RAB1A: variants seen among roughly 807,000 people sequenced by gnomAD.
RAB1A encodes the protein RAB1A, member RAS oncogene family.
Under a neutral mutation model 26.0 loss-of-function variants are expected in RAB1A, and 2 were observed. That is an observed-to-expected ratio of 0.08 (90% CI 0.03 to 0.24). The LOEUF (loss-of-function observed/expected upper bound fraction) is 0.24, where lower values mean the gene tolerates loss of function less well. Ranked by LOEUF, RAB1A falls within the 10% of genes least tolerant of loss-of-function variation. RAB1A has a pLI of 1.00. For missense variants in RAB1A, 100 were observed against 247.0 expected, an observed-to-expected ratio of 0.40 and a Z score of 3.99; for synonymous variants, 84 against 84.9, an observed-to-expected ratio of 0.99 and a Z score of 0.06.
rs1197184259 is a variant in RAB1A, at chr2:65,087,056, C to T, written c.*1437G>A. On this transcript the variant is annotated 3_prime_UTR_variant, in exon 6 of 6. Coordinates refer to ENST00000409784, the MANE Select transcript of RAB1A (RefSeq NM_004161.5). The stretch of plus-strand genomic sequence containing the variant: ...AATTTTATCATTAAATTAAGGAGCC[C>T]ACAACAAAATGTGTTGCCAGCAGCC... 3.3e-5 allele frequency: 5 copies of T among 152,064 alleles called. No homozygotes were observed. Among genetic ancestry groups the T allele is most frequent in the Non-Finnish European group, 7.4e-5 (5 of 68,014 alleles). 9.4% of individuals were successfully genotyped at this position (152,064 alleles called of 1,614,324 possible).
intron 1 of RAB1A, among the ~76,000 whole-genome samples, chr2:65,105,822 G>A (rs1669543387): frequency 6.6e-6 from 1 of 151,950 alleles, no homozygotes; most frequent in Non-Finnish European, 1.5e-5. Flanking sequence ...GAGTGCAGTG[G>A]CGCGATCTCG....
In RAB1A at chr2:65,097,995, G is replaced by C. The variant is rs770692009; in HGVS notation, c.168C>G (p.Asp56Glu). ...VDFKIRTIELDGKTIKLQIWD... is the reference protein window; with the variant it reads ...VDFKIRTIELEGKTIKLQIWD... ...CTATTTGAAGCTTGATTGTTTTCCC[G>C]TCTAACTCTATAGTTCTTATTTTGA... The change falls in exon 3 of 6, where the codon GAC (aspartate) becomes GAG (glutamate). Residue 56 changes from aspartate to glutamate, a missense_variant. Asp to Glu is a conservative substitution (Grantham distance 45, BLOSUM62 2). Transcript: ENST00000409784. The C allele has an allele frequency of 6.4e-7, 1 of 1,573,090 alleles. No homozygotes were observed. The highest frequency in any genetic ancestry group is 8.6e-7 in the Non-Finnish European group (1 of 1,156,252).
chr2:65,120,745 T>C, intron 1 of RAB1A, among the ~76,000 whole-genome samples: 1 of 152,118 alleles, frequency 6.6e-6, no homozygotes, highest in East Asian at 1.9e-4. Flanking sequence ...ATGGGTTAAA[T>C]GTAACAGTCC....
At chr2:65,105,674 AT>A (rs1356897531) in intron 1 of RAB1A, among the ~76,000 whole-genome samples, 3 of 152,258 alleles carry the variant, frequency 2.0e-5, no homozygotes, top group African/African-American at 7.2e-5. Context: ...TAAACTAGAA[AT>A]GTGATAAATT....
At chr2:65,108,818 T>G (rs1156496734) in intron 1 of RAB1A, among the ~76,000 whole-genome samples, 1 of 151,908 alleles carries the variant, frequency 6.6e-6, no homozygotes, top group Non-Finnish European at 1.5e-5. Context: ...AAAAAACAAA[T>G]AAAAAAATTA....
intron 1 of RAB1A, among the ~76,000 whole-genome samples, chr2:65,114,969 G>A (rs934731132): frequency 2.0e-5 from 3 of 152,180 alleles, no homozygotes; most frequent in African/African-American, 7.2e-5. Context: ...AAGTGGGTTA[G>A]CTATCTCTGG....
chr2:65,114,291 G>GA (rs571324736), intron 1 of RAB1A: 37 of 226,458 alleles, frequency 1.6e-4, no homozygotes, highest in Non-Finnish European at 3.2e-4. Flanking sequence ...TGCTAAGGAA[G>GA]AAAAAAAATC....
At chr2:65,093,303 T>G (rs1669212622) in intron 3 of RAB1A, among the ~76,000 whole-genome samples, 1 of 152,204 alleles carries the variant, frequency 6.6e-6, no homozygotes, top group Non-Finnish European at 1.5e-5. Flanking sequence ...GGACTATGTT[T>G]TATTCATCTC....
chr2:65,114,659 A>C (rs1477318608), intron 1 of RAB1A, among the ~76,000 whole-genome samples: 3 of 151,890 alleles, frequency 2.0e-5, no homozygotes, highest in African/African-American at 7.3e-5. Flanking sequence ...CTGGCTAACA[A>C]GGTGAAACCC....
At chr2:65,091,676 C>T (rs1290535977) in intron 3 of RAB1A, among the ~76,000 whole-genome samples, 1 of 152,142 alleles carries the variant, frequency 6.6e-6, no homozygotes, top group Non-Finnish European at 1.5e-5. Flanking sequence ...CAGGCACATG[C>T]CACCACACCC....
chr2:65,098,049 T>C lies in RAB1A; in HGVS notation c.114A>G (p.Glu38=). The C allele has an allele frequency of 6.4e-7, 1 of 1,565,904 alleles. No individual in the cohort carries two copies. The highest frequency in any genetic ancestry group is 8.7e-7 in the Non-Finnish European group (1 of 1,148,702). ...CCACACCAATTGTGCTGATGTAGCT[T>C]TCTGTATATGTATCATCCTGAAGGG... ...LLRFADDTYT[E]SYISTIGVDF... is the part of the protein sequence containing the mutation. The change falls in exon 3 of 6, where the codon GAA becomes GAG. Residue 38 remains glutamate (E), a synonymous_variant. Coordinates refer to ENST00000409784, the MANE Select transcript of RAB1A (RefSeq NM_004161.5).
chr2:65,089,106 G>A (rs1306777260), intron 4 of RAB1A, 36 bp from the exon 5 acceptor site: 20 of 1,554,110 alleles, frequency 1.3e-5, no homozygotes, highest in East Asian at 1.1e-4. Flanking sequence ...AATATAGTTC[G>A]ATAATATAGT....
At chr2:65,098,181 T>C in intron 2 of RAB1A, 115 bp from the exon 3 acceptor site, 2 of 559,690 alleles carry the variant, frequency 3.6e-6, no homozygotes, top group Non-Finnish European at 6.0e-6. Context: ...TTTACTTTTA[T>C]CTACAGTCCA....
chr2:65,091,031 A>G lies in RAB1A; in HGVS notation c.240T>C (p.Tyr80=), dbSNP rs763849047. The part of the protein sequence containing the change: ...QERFRTITSS[Y]YRGAHGIIVV... ...CTATGATGCCATGGGCTCCTCTGTA[A>G]TAACTGGAGGTGATTGTTCGAAATC... The change falls in exon 4 of 6, where the codon TAT becomes TAC. Residue 80 remains tyrosine, a synonymous_variant. Transcript: ENST00000409784. 3 of 1,613,540 alleles carry G rather than the reference A, an allele frequency of 1.9e-6. No individual in the cohort carries two copies. The highest frequency in any genetic ancestry group is 2.2e-5 in the South Asian group (2 of 91,034).
intron 1 of RAB1A, among the ~76,000 whole-genome samples, chr2:65,107,376 T>G (rs1476395709): frequency 6.6e-6 from 1 of 152,122 alleles, no homozygotes; most frequent in Non-Finnish European, 1.5e-5. Flanking sequence ...CAAATACTCT[T>G]AAGAATACTG....
At chr2:65,121,740 A>T (rs1461475382) in intron 1 of RAB1A, among the ~76,000 whole-genome samples, 1 of 152,172 alleles carries the variant, frequency 6.6e-6, no homozygotes, top group African/African-American at 2.4e-5. Flanking sequence ...CACCTTCTAT[A>T]GGGAAACAAA....
chr2:65,088,733 T>C, intron 5 of RAB1A, 43 bp from the exon 6 acceptor site: 2 of 1,490,192 alleles, frequency 1.3e-6, no homozygotes, highest in Non-Finnish European at 1.8e-6. Flanking sequence ...AAAATCTTTT[T>C]CACTAATTCT....
At chr2:65,119,152 C>A (rs1669892427) in intron 1 of RAB1A, among the ~76,000 whole-genome samples, 1 of 151,528 alleles carries the variant, frequency 6.6e-6, no homozygotes. Context: ...CTGCAGTAAG[C>A]CATGATCTCA....
intron 2 of RAB1A, 128 bp downstream of exon 2, chr2:65,104,606 T>G: frequency 1.4e-6 from 1 of 706,842 alleles, no homozygotes; most frequent in Non-Finnish European, 2.4e-6. Context: ...ATATTTGGAG[T>G]CTTTAAATAT....
Sources: allele counts gnomAD v4.1 joint callset (sites outside exome capture counted in the v4.1 genomes callset), GRCh38; gene constraint gnomAD v4.1.1; transcripts MANE v1.5; gene names NCBI Gene and HGNC (gene_info 2026-07-23, HGNC 2026-07-21).